The following NAV1 variants were observed in gnomAD, a reference collection of about 807,000 sequenced individuals.
The protein encoded by NAV1 is neuron navigator 1.
NAV1 carries 18 observed loss-of-function variants against 175.2 expected under a neutral mutation model. The ratio of observed to expected loss-of-function variants is 0.10; its 90% CI spans 0.07 to 0.15. The LOEUF (loss-of-function observed/expected upper bound fraction) is 0.15, where lower values mean the gene tolerates loss of function less well. Ranked by LOEUF, NAV1 falls within the 10% of genes least tolerant of loss-of-function variation. The pLI, the probability that NAV1 is intolerant of heterozygous loss-of-function variation, is 1.00. For missense variants in NAV1, 1,731 were observed against 2,436.6 expected, an observed-to-expected ratio of 0.71 and a Z score of 6.10; for synonymous variants, 897 against 978.7, an observed-to-expected ratio of 0.92 and a Z score of 1.56.
At chr1:201,608,363 A>G (rs1306165214) in intron 2 of NAV1, among the ~76,000 whole-genome samples, 3 of 152,120 alleles carry the variant, frequency 2.0e-5, no homozygotes, top group African/African-American at 7.2e-5. Context: ...TTTCTGATCC[A>G]AGTCTGCGAA....
intron 1 of NAV1, among the ~76,000 whole-genome samples, chr1:201,565,022 T>C (rs1666312188): frequency 6.6e-6 from 1 of 152,174 alleles, no homozygotes; most frequent in African/African-American, 2.4e-5. Context: ...CATTCCAGGG[T>C]CCTTAATCTT....
intron 1 of NAV1, among the ~76,000 whole-genome samples, chr1:201,709,649 A>G (rs528462282): frequency 5.3e-5 from 8 of 152,194 alleles, no homozygotes; most frequent in Admixed American, 3.3e-4. Flanking sequence ...CATACCCATG[A>G]TGGCCACCAG....
At chr1:201,777,647 T>C (rs1173407863) in intron 3 of NAV1, among the ~76,000 whole-genome samples, 6 of 151,848 alleles carry the variant, frequency 4.0e-5, no homozygotes, top group African/African-American at 1.5e-4. Flanking sequence ...GTTGTTGTTG[T>C]TGTTGTTGTT....
chr1:201,715,720 T>C (rs955050283), intron 2 of NAV1, among the ~76,000 whole-genome samples: 1 of 152,230 alleles, frequency 6.6e-6, no homozygotes, highest in African/African-American at 2.4e-5. Context: ...TGGTCCAGTG[T>C]GTGCTTCCTG....
At chr1:201,708,303 G>C (rs2050555) in intron 1 of NAV1, among the ~76,000 whole-genome samples, 1 of 151,916 alleles carries the variant, frequency 6.6e-6, no homozygotes, top group Non-Finnish European at 1.5e-5. Context: ...TCTCTCCCCA[G>C]TTGCTCCATT....
chr1:201,594,222 A>G (rs1076610), intron 2 of NAV1, among the ~76,000 whole-genome samples: 38,115 of 151,836 alleles, frequency 0.25, 5,384 homozygotes, highest in African/African-American at 0.39. Flanking sequence ...GGCCCAAGCA[A>G]CCCCTATACC....
At chr1:201,553,213 G>A (rs1665914531) in intron 1 of NAV1, among the ~76,000 whole-genome samples, 1 of 152,248 alleles carries the variant, frequency 6.6e-6, no homozygotes, top group Admixed American at 6.5e-5. Flanking sequence ...CAGGCAATAG[G>A]ACACCAGGGA....
chr1:201,674,093 C>T, intron 1 of NAV1: 1 of 152,320 alleles, frequency 6.6e-6, no homozygotes, highest in Non-Finnish European at 1.5e-5. Context: ...TGCCCAGATG[C>T]CCCACAGCAA....
At chr1:201,726,777 G>A (rs1027558619) in intron 3 of NAV1, among the ~76,000 whole-genome samples, 1 of 152,166 alleles carries the variant, frequency 6.6e-6, no homozygotes, top group African/African-American at 2.4e-5. Flanking sequence ...AAACTTGGAA[G>A]ATGAGGACAT....
intron 1 of NAV1, among the ~76,000 whole-genome samples, chr1:201,707,683 T>TTACATC (rs1671727338): frequency 6.6e-6 from 1 of 152,220 alleles, no homozygotes; most frequent in South Asian, 2.1e-4. Context: ...AAGACCCTTT[T>TTACATC]TACATCATCC....
intron 1 of NAV1, among the ~76,000 whole-genome samples, chr1:201,573,230 G>T (rs1409317483): frequency 6.6e-6 from 1 of 152,232 alleles, no homozygotes; most frequent in Non-Finnish European, 1.5e-5. Context: ...TCAAGTCGAG[G>T]CAGGCCACAG....
intron 1 of NAV1, among the ~76,000 whole-genome samples, chr1:201,696,104 G>A (rs1231819873): frequency 6.6e-6 from 1 of 152,214 alleles, no homozygotes; most frequent in Non-Finnish European, 1.5e-5. Flanking sequence ...ATGGGGGCCA[G>A]GTAGTGGGGA....
At chr1:201,555,290 A>C (rs1032378579) in intron 1 of NAV1, among the ~76,000 whole-genome samples, 1 of 152,356 alleles carries the variant, frequency 6.6e-6, no homozygotes, top group Non-Finnish European at 1.5e-5. Flanking sequence ...TGTTGCAGGT[A>C]AGGCAAGAAT....
intron 1 of NAV1, among the ~76,000 whole-genome samples, chr1:201,684,840 G>A (rs1239954296): frequency 2.7e-5 from 4 of 149,378 alleles, no homozygotes; most frequent in Non-Finnish European, 5.9e-5. Context: ...GCGAGCGCCT[G>A]TAATCCCAGC....
At chr1:201,789,780 C>T in exon 11 of NAV1, 1 of 1,614,008 alleles carries the variant, frequency 6.2e-7, no homozygotes, top group Non-Finnish European at 8.5e-7. Flanking sequence ...GTGCCTCCTC[C>T]ACCTACTCCT....
Position 201,553,671 on chromosome 1 carries a change from A to G in NAV1, c.-144+14329A>G, listed in dbSNP as rs755017467. Among the ~76,000 whole-genome samples the G allele has an allele frequency of 1.8e-4, 27 of 152,146 alleles. 1 individual carries two copies. Among genetic ancestry groups the G allele is most frequent in the Admixed American group, 1.4e-3 (21 of 15,272 alleles). The stretch of plus-strand genomic sequence containing the variant: ...AATTTCCCTCCTGTCCCTTTTGTCA[A>G]TGTGCTCCCACCCACTGTCTCCGTG... On this transcript the variant is annotated intron_variant, in intron 1 of 33. Coordinates refer to the NAV1 transcript ENST00000685211.
intron 1 of NAV1, among the ~76,000 whole-genome samples, chr1:201,555,225 T>C (rs947703440): frequency 6.6e-6 from 1 of 152,198 alleles, no homozygotes; most frequent in Admixed American, 6.5e-5. Flanking sequence ...GGTGACACAA[T>C]TCAACCCATA....
At chr1:201,675,007 G>A (rs1431875152) in intron 1 of NAV1, among the ~76,000 whole-genome samples, 1 of 151,250 alleles carries the variant, frequency 6.6e-6, no homozygotes, top group Admixed American at 6.6e-5. Context: ...GTCACTGCCT[G>A]GGCAACAGAG....
intron 1 of NAV1, among the ~76,000 whole-genome samples, chr1:201,668,379 T>C (rs1239877443): frequency 6.6e-6 from 1 of 152,136 alleles, no homozygotes; most frequent in East Asian, 1.9e-4. Context: ...GTGATGTTCG[T>C]TAATGGGCAC....
Sources: allele counts gnomAD v4.1 joint callset (sites outside exome capture counted in the v4.1 genomes callset), GRCh38; gene constraint gnomAD v4.1.1; transcripts MANE v1.5; gene names NCBI Gene and HGNC (gene_info 2026-07-23, HGNC 2026-07-21).